The following GJC1 variants were observed in gnomAD, a reference collection of about 807,000 sequenced individuals.
The protein encoded by GJC1 is gap junction protein gamma 1, also known as gap junction gamma-1 protein.
GJC1 carries 5 observed loss-of-function variants against 29.3 expected under a neutral mutation model. The observed-to-expected ratio is 0.17, with a 90% CI of 0.09 to 0.36. The LOEUF is 0.36. GJC1 is among the 10% of genes least tolerant of loss of function. The pLI, the probability that GJC1 is intolerant of heterozygous loss-of-function variation, is 1.00. For missense variants in GJC1, 310 were observed against 496.2 expected (o/e 0.62, Z 3.56); for synonymous variants, 177 against 183.3 (o/e 0.97, Z 0.28).
At chr17:44,820,620 T>A (rs1270743414) in intron 1 of GJC1, among the ~76,000 whole-genome samples, 1 of 152,224 alleles carries the variant, frequency 6.6e-6, no homozygotes, top group Non-Finnish European at 1.5e-5. Context: ...GCGGTTGGAC[T>A]AAATTTAAAA....
intron 1 of GJC1, among the ~76,000 whole-genome samples, chr17:44,811,649 A>C (rs994701240): frequency 6.6e-6 from 1 of 152,064 alleles, no homozygotes; most frequent in Non-Finnish European, 1.5e-5. Context: ...GGCCTTCCAA[A>C]GTACTAGGAT....
rs1192596828 is a variant in GJC1, at chr17:44,805,268, T to G, written c.550A>C (p.Arg184=). The G allele has an allele frequency of 6.2e-7, 1 of 1,614,098 alleles. No individual in the cohort carries two copies. Among genetic ancestry groups the G allele is most frequent in the Non-Finnish European group, 8.5e-7 (1 of 1,180,034 alleles). ...MKIYVLQLLA[R]TVFEVGFLIG... ...AGAAAACCCACCTCAAACACGGTCCTTGCCAGCAACTGCAGCACATAGATT... is the reference window on the plus strand; with the variant it reads ...AGAAAACCCACCTCAAACACGGTCCGTGCCAGCAACTGCAGCACATAGATT... The change falls in exon 3 of 3, where the codon AGG becomes CGG. Residue 184 remains arginine (R), a synonymous_variant. Coordinates refer to ENST00000592524, the MANE Select transcript of GJC1 (RefSeq NM_005497.4). This position sits in a 1 kb window ranked among gnomAD's most constrained non-coding sequence, Gnocchi z 5.1.
At chr17:44,821,744 A>ACCCATAC (rs2050111270) in intron 1 of GJC1, among the ~76,000 whole-genome samples, 1 of 148,456 alleles carries the variant, frequency 6.7e-6, no homozygotes, top group Admixed American at 6.8e-5. Flanking sequence ...AAACACCAAC[A>ACCCATAC]CCCATACCAT....
intron 1 of GJC1, among the ~76,000 whole-genome samples, chr17:44,820,351 C>T (rs1376477268): frequency 1.3e-5 from 2 of 152,152 alleles, no homozygotes; most frequent in African/African-American, 4.8e-5. Context: ...ATAATCCATG[C>T]ACTTCAGGAA....
rs1194500748 is a variant in GJC1 at position 44,802,036 on chromosome 17, T to C, written c.*2591A>G. On this transcript the variant is annotated 3_prime_UTR_variant, in exon 3 of 3. Coordinates refer to ENST00000592524, the MANE Select transcript of GJC1 (RefSeq NM_005497.4). ...GGAAAATTCTTGACATAATTACAAC[T>C]TTAGCAAGAGAATAAAAATAGATTT... 3 of 152,176 alleles carry C rather than the reference T, an allele frequency of 2.0e-5. No individual in the cohort carries two copies. The highest frequency in any genetic ancestry group is 2.9e-5 in the Non-Finnish European group (2 of 68,028). 9.4% of individuals were successfully genotyped at this position (152,176 alleles called of 1,614,324 possible).
rs529127816 is a variant in GJC1 at position 44,812,063 on chromosome 17, C to T, written c.-96-4594G>A. ...GGAGCAGTGGCTCATGCCTGTAATG[C>T]CAGCACTTTGGGAGCCCAAGGCGGA... On this transcript the variant is annotated intron_variant, in intron 1 of 2. Coordinates refer to ENST00000592524, the MANE Select transcript of GJC1 (RefSeq NM_005497.4). Among the ~76,000 whole-genome samples, 5 of 151,934 alleles carry T rather than the reference C, an allele frequency of 3.3e-5. No homozygotes were observed. In the South Asian group the frequency reaches 6.2e-4, roughly 19 times the overall value.
chr17:44,827,348 CA>C (rs778713420), intron 1 of GJC1, among the ~76,000 whole-genome samples: 34 of 146,374 alleles, frequency 2.3e-4, no homozygotes, highest in South Asian at 1.1e-3. Flanking sequence ...AACAAACAAA[CA>C]AAAAAAAAAA....
rs182923439 is a variant in GJC1, at chr17:44,809,634, G to A, written c.-96-2165C>T. ...TGTCCAGGCTGGAGTGCAATGGCGC[G>A]ATCTTGGCTCGCCACAACCTCCACC... On this transcript the variant is annotated intron_variant, in intron 1 of 2. Coordinates refer to ENST00000592524, the MANE Select transcript of GJC1 (RefSeq NM_005497.4). 3.3e-3 allele frequency among the ~76,000 whole-genome samples: 497 copies of A among 150,894 alleles called. 4 individuals are homozygous for A. Among genetic ancestry groups the A allele is most frequent in the African/African-American group, 0.012 (476 of 41,062 alleles).
intron 1 of GJC1, among the ~76,000 whole-genome samples, chr17:44,827,773 C>A (rs971271321): frequency 6.6e-6 from 1 of 151,700 alleles, no homozygotes; most frequent in African/African-American, 2.4e-5. Context: ...TCTGCTAAAA[C>A]TACAAAAAAA....
chr17:44,808,128 C>T (rs1319912726), intron 1 of GJC1, among the ~76,000 whole-genome samples: 2 of 152,154 alleles, frequency 1.3e-5, no homozygotes, highest in African/African-American at 2.4e-5. Flanking sequence ...ATCCATAAGG[C>T]GCCCACATTT....
At chr17:44,828,619 T>C (rs2145380923) in intron 1 of GJC1, among the ~76,000 whole-genome samples, 1 of 152,340 alleles carries the variant, frequency 6.6e-6, no homozygotes, top group African/African-American at 2.4e-5. Context: ...CCCAGAAAAG[T>C]TAGTTCGTGT....
In GJC1 at chr17:44,804,827, G is replaced by A; in HGVS notation, c.991C>T (p.Leu331Phe). ...TGCAGAGCCTCCAGGTCAGCTGGGA[G>A]GTTCTCCTCATGGCTGCCATACTGC... ...EQQYGSHEENLPADLEALQRE... is the reference protein window; with the variant it reads ...EQQYGSHEENFPADLEALQRE... Residue 331 changes from leucine to phenylalanine, a missense_variant, in exon 3 of 3, where the codon CTC becomes TTC. This residue lies in a region of GJC1 where 146 missense variants were observed against 165.0 expected (regional missense o/e 0.88). Transcript: ENST00000592524. 2.5e-6 allele frequency: 4 copies of A among 1,614,196 alleles called. No individual in the cohort carries two copies. Among genetic ancestry groups the A allele is most frequent in the East Asian group, 2.2e-5 (1 of 44,886 alleles).
chr17:44,808,670 A>C (rs555224588), intron 1 of GJC1, among the ~76,000 whole-genome samples: 3 of 152,316 alleles, frequency 2.0e-5, no homozygotes, highest in East Asian at 3.9e-4. Flanking sequence ...GCTCAGGTGA[A>C]AGAATCACTT....
At chr17:44,813,301 T>A (rs1393766191) in intron 1 of GJC1, 1 of 150,950 alleles carries the variant, frequency 6.6e-6, no homozygotes, top group Non-Finnish European at 1.5e-5. Context: ...CTCAGGAGAT[T>A]CACCCTTCGG....
chr17:44,825,509 A>G (rs967162620), intron 1 of GJC1, among the ~76,000 whole-genome samples: 4 of 151,974 alleles, frequency 2.6e-5, no homozygotes, highest in African/African-American at 9.6e-5. Context: ...AGGGCCAGAC[A>G]CAGTGGTTCG....
At chr17:44,827,474 C>T (rs527725624) in intron 1 of GJC1, among the ~76,000 whole-genome samples, 1 of 152,088 alleles carries the variant, frequency 6.6e-6, no homozygotes, top group South Asian at 2.1e-4. Context: ...ACCCCCTAGT[C>T]AAACTTAACT....
At chr17:44,807,053 C>T (rs1479039945) in intron 2 of GJC1, among the ~76,000 whole-genome samples, 2 of 152,078 alleles carry the variant, frequency 1.3e-5, no homozygotes, top group Non-Finnish European at 2.9e-5. Context: ...AAATATTGTA[C>T]CCCTTTACTA....
downstream of GJC1, among the ~76,000 whole-genome samples, chr17:44,797,267 G>A (rs1442286847): frequency 2.6e-5 from 4 of 151,944 alleles, no homozygotes; most frequent in African/African-American, 7.3e-5. Context: ...CACCATGGCC[G>A]GCTAATTTTT....
chr17:44,809,820 G>A (rs1033376624), intron 1 of GJC1, among the ~76,000 whole-genome samples: 14 of 151,892 alleles, frequency 9.2e-5, no homozygotes, highest in Admixed American at 9.2e-4. Flanking sequence ...GCCTGCCTCG[G>A]CCTCCCGAAG....
Sources: gnomAD v4.1 joint callset for allele counts (sites outside exome capture counted in the v4.1 genomes callset) on GRCh38, gnomAD v4.1.1 for gene constraint, gnomAD v4.1.1 regional missense constraint, Gnocchi (gnomAD v3.1) non-coding constraint, MANE v1.5 for transcripts, NCBI Gene and HGNC (gene_info 2026-07-23, HGNC 2026-07-21) for gene names.